Variants in GPHN observed in about 807,000 individuals in gnomAD.
The protein encoded by GPHN is gephyrin.
Under a neutral mutation model 95.5 loss-of-function variants are expected in GPHN, and 17 were observed. That is an observed-to-expected ratio of 0.18 (90% CI 0.12 to 0.27). The LOEUF is 0.27. GPHN is among the 10% of genes least tolerant of loss of function. GPHN has a pLI of 1.00. For missense variants in GPHN, 660 were observed against 978.1 expected, an observed-to-expected ratio of 0.67 and a Z score of 4.34; for synonymous variants, 320 against 322.5, an observed-to-expected ratio of 0.99 and a Z score of 0.08.
chr14:67,511,041 C>T, the GPHN span, among the ~76,000 whole-genome samples: 2 of 152,204 alleles, frequency 1.3e-5, no homozygotes, highest in Non-Finnish European at 2.9e-5. Flanking sequence ...CCTAGCTCCT[C>T]AGGGCTGATG....
the GPHN span, among the ~76,000 whole-genome samples, chr14:67,419,669 T>G: frequency 0.17 from 26,042 of 151,970 alleles, 4,166 homozygotes; most frequent in African/African-American, 0.43. Flanking sequence ...GTGACCACGG[T>G]GAAACCCCGT....
intron 1 of GPHN, among the ~76,000 whole-genome samples, chr14:66,616,497 G>T (rs2063041886): frequency 6.6e-6 from 1 of 151,648 alleles, no homozygotes; most frequent in Admixed American, 6.6e-5. Context: ...AATTTGCTGG[G>T]GGTTCACTTC....
the GPHN span, chr14:67,398,201 A>G: frequency 6.3e-6 from 1 of 159,664 alleles, no homozygotes; most frequent in South Asian, 2.1e-4. Context: ...ATTATTTTAC[A>G]TATAGTTTTA....
chr14:67,696,369 C>T, the GPHN span, among the ~76,000 whole-genome samples: 1 of 152,244 alleles, frequency 6.6e-6, no homozygotes, highest in East Asian at 1.9e-4. Context: ...AGGAGAGGAG[C>T]GGTCCGAAGT....
At chr14:66,742,304 G>A (rs929199229) in intron 2 of GPHN, among the ~76,000 whole-genome samples, 1 of 152,062 alleles carries the variant, frequency 6.6e-6, no homozygotes, top group Admixed American at 6.5e-5. Flanking sequence ...CCATTATAAA[G>A]CATACCACAA....
the GPHN span, among the ~76,000 whole-genome samples, chr14:67,532,397 T>A: frequency 6.6e-6 from 1 of 152,084 alleles, no homozygotes; most frequent in African/African-American, 2.4e-5. Context: ...CTCCCTGCAA[T>A]GGTCTCTATT....
chr14:66,565,129 C>T (rs549193155), intron 1 of GPHN, among the ~76,000 whole-genome samples: 82 of 152,120 alleles, frequency 5.4e-4, no homozygotes, highest in Non-Finnish European at 4.3e-4. Flanking sequence ...GCATTTCTCA[C>T]CTAGTTTCAA....
At chr14:67,457,843 G>T in the GPHN span, among the ~76,000 whole-genome samples, 913 of 152,334 alleles carry the variant, frequency 6.0e-3, 9 homozygotes, top group African/African-American at 0.021. Flanking sequence ...ATAGGCTGTT[G>T]TCTCTTATTA....
intron 19 of GPHN, among the ~76,000 whole-genome samples, chr14:67,164,128 C>T (rs1205731250): frequency 5.3e-5 from 8 of 151,442 alleles, no homozygotes; most frequent in Non-Finnish European, 1.2e-4. Context: ...ATTAGCCGGG[C>T]GTGGTGGCAC....
Position 67,023,642 on chromosome 14 carries a change from A to T in GPHN, c.973A>T (p.Arg325Trp). ...TATGCTCTTTCTACAGGTCCAGTCCAGGTGCAGCAGCAAGGAGAACATTCT... is the reference window on the plus strand; with the variant it reads ...TATGCTCTTTCTACAGGTCCAGTCCTGGTGCAGCAGCAAGGAGAACATTCT... ...ASCPTPKVQS[R>W]CSSKENILRA... The change falls in exon 10 of 23, where the codon AGG becomes TGG. Residue 325 changes from arginine (R) to tryptophan (W), a missense_variant. Coordinates refer to ENST00000478722, the MANE Select transcript of GPHN (RefSeq NM_020806.5). 1 of 1,613,452 alleles carries T rather than the reference A, an allele frequency of 6.2e-7. No individual in the cohort carries two copies. The highest frequency in any genetic ancestry group is 1.1e-5 in the South Asian group (1 of 91,064).
downstream of GPHN, among the ~76,000 whole-genome samples, chr14:67,182,610 G>A (rs2083341493): frequency 6.6e-6 from 1 of 152,032 alleles, no homozygotes; most frequent in Non-Finnish European, 1.5e-5. Context: ...TCTATTATGT[G>A]CTTGGGTACA....
chr14:66,722,658 G>A (rs890809963), intron 2 of GPHN, among the ~76,000 whole-genome samples: 16 of 152,108 alleles, frequency 1.1e-4, no homozygotes, highest in African/African-American at 3.6e-4. Context: ...TGCCCAGCCT[G>A]GCTTGAACTC....
chr14:67,659,489 G>C, the GPHN span, among the ~76,000 whole-genome samples: 1 of 151,052 alleles, frequency 6.6e-6, no homozygotes, highest in Admixed American at 6.6e-5. Context: ...TTTATTATAA[G>C]ACTGTATTAT....
chr14:67,130,493 C>G (rs2079634196), intron 17 of GPHN, among the ~76,000 whole-genome samples: 1 of 152,106 alleles, frequency 6.6e-6, no homozygotes, highest in African/African-American at 2.4e-5. Flanking sequence ...TGTATATGCA[C>G]CACTTTTTTT....
chr14:67,387,400 G>A, the GPHN span: 1 of 1,610,608 alleles, frequency 6.2e-7, no homozygotes, highest in Non-Finnish European at 8.5e-7. Flanking sequence ...ATGTAATAGT[G>A]TGTGTCATCC....
At chr14:66,914,764 A>T (rs2065828314) in intron 5 of GPHN, among the ~76,000 whole-genome samples, 1 of 152,074 alleles carries the variant, frequency 6.6e-6, no homozygotes, top group South Asian at 2.1e-4. Flanking sequence ...TACTGGTGAT[A>T]TTATAATCAA....
At chr14:67,336,929 T>C in the GPHN span, among the ~76,000 whole-genome samples, 3 of 152,176 alleles carry the variant, frequency 2.0e-5, no homozygotes, top group Non-Finnish European at 2.9e-5. Context: ...GTTTGAAATA[T>C]AGATGAAACA....
intron 1 of GPHN, among the ~76,000 whole-genome samples, chr14:66,679,698 T>C (rs1209400491): frequency 1.3e-5 from 2 of 152,242 alleles, no homozygotes; most frequent in Non-Finnish European, 2.9e-5. Flanking sequence ...ATCTGTGCTT[T>C]GCTGTATTCA....
At chr14:67,473,273 C>T in the GPHN span, 14 of 1,128,652 alleles carry the variant, frequency 1.2e-5, no homozygotes, top group Non-Finnish European at 1.8e-5. This position sits in a 1 kb window ranked among gnomAD's most constrained non-coding sequence, Gnocchi z 6.5. Flanking sequence ...CCGGCCCCCG[C>T]GGACGTTAGG....
Sources: allele counts gnomAD v4.1 joint callset (sites outside exome capture counted in the v4.1 genomes callset), GRCh38; gene constraint gnomAD v4.1.1; non-coding constraint Gnocchi (gnomAD v3.1); transcripts MANE v1.5; gene names NCBI Gene and HGNC (gene_info 2026-07-23, HGNC 2026-07-21).